The following RCAN2 variants were observed in gnomAD, a reference collection of about 807,000 sequenced individuals.
RCAN2 encodes calcipressin-2.
Under a neutral mutation model 23.6 loss-of-function variants are expected in RCAN2, and 9 were observed. The observed-to-expected ratio is 0.38, with a 90% CI of 0.23 to 0.67. The LOEUF (loss-of-function observed/expected upper bound fraction) is 0.67, where lower values mean the gene tolerates loss of function less well. Ranked by LOEUF, RCAN2 falls within the 30% of genes least tolerant of loss-of-function variation. RCAN2 has a pLI of 0.51. For synonymous variants in RCAN2, 109 were observed against 115.7 expected, an observed-to-expected ratio of 0.94 and a Z score of 0.37; for missense variants, 273 against 302.3, an observed-to-expected ratio of 0.90 and a Z score of 0.72.
At chr6:46,251,032 T>C (rs112056763) in intron 2 of RCAN2, among the ~76,000 whole-genome samples, 140 of 152,352 alleles carry the variant, frequency 9.2e-4, no homozygotes, top group Non-Finnish European at 1.7e-3. Context: ...CCCCAAAGAA[T>C]ACAATAAAAG....
At chr6:46,361,923 A>T (rs182976880) in intron 2 of RCAN2, among the ~76,000 whole-genome samples, 2 of 152,354 alleles carry the variant, frequency 1.3e-5, no homozygotes, top group Admixed American at 6.5e-5. Flanking sequence ...CTTTTCAAAC[A>T]TCTATCATCA....
chr6:46,278,481 T>C (rs1334789129), intron 2 of RCAN2, among the ~76,000 whole-genome samples: 1 of 152,186 alleles, frequency 6.6e-6, no homozygotes, highest in African/African-American at 2.4e-5. Context: ...AAATGTTTTA[T>C]ATATTTACTA....
At chr6:46,437,876 G>A (rs1323550671) in intron 2 of RCAN2, among the ~76,000 whole-genome samples, 2 of 152,136 alleles carry the variant, frequency 1.3e-5, no homozygotes, top group African/African-American at 4.8e-5. Context: ...TGTTGTGAAA[G>A]AACACCCTCT....
intron 2 of RCAN2, among the ~76,000 whole-genome samples, chr6:46,373,981 C>T (rs546172421): frequency 6.6e-6 from 1 of 152,290 alleles, no homozygotes; most frequent in East Asian, 1.9e-4. Flanking sequence ...CCATGTCAAC[C>T]CAGCACTTTG....
At chr6:46,350,091 A>G (rs1247237289) in intron 2 of RCAN2, among the ~76,000 whole-genome samples, 1 of 152,038 alleles carries the variant, frequency 6.6e-6, no homozygotes, top group Non-Finnish European at 1.5e-5. Context: ...TTACTTTTTT[A>G]ATTGGTTTTC....
chr6:46,431,182 T>G (rs527385640), intron 2 of RCAN2, among the ~76,000 whole-genome samples: 1 of 151,778 alleles, frequency 6.6e-6, no homozygotes, highest in African/African-American at 2.4e-5. Flanking sequence ...ATTTAATATA[T>G]CATGGAAGAT....
At chr6:46,318,393 T>A (rs1391563043) in intron 2 of RCAN2, among the ~76,000 whole-genome samples, 2 of 151,826 alleles carry the variant, frequency 1.3e-5, no homozygotes, top group Admixed American at 6.6e-5. Context: ...TTTGAAACAT[T>A]AAAAAAAAGT....
intron 2 of RCAN2, among the ~76,000 whole-genome samples, chr6:46,251,058 T>G (rs1269422747): frequency 6.6e-6 from 1 of 152,242 alleles, no homozygotes; most frequent in African/African-American, 2.4e-5. Flanking sequence ...GCTTTTTTTG[T>G]GACATTTGTG....
chr6:46,481,680 G>C (rs1768863634), intron 1 of RCAN2, among the ~76,000 whole-genome samples: 1 of 152,130 alleles, frequency 6.6e-6, no homozygotes, highest in Admixed American at 6.5e-5. Flanking sequence ...AGCTGAAGAA[G>C]TAATATCTGG....
intron 2 of RCAN2, among the ~76,000 whole-genome samples, chr6:46,433,114 G>A (rs1313664294): frequency 6.6e-6 from 1 of 152,072 alleles, no homozygotes; most frequent in Non-Finnish European, 1.5e-5. Flanking sequence ...TAATAATCAG[G>A]AATATAATAT....
intron 2 of RCAN2, among the ~76,000 whole-genome samples, chr6:46,375,296 G>C (rs1210605155): frequency 6.6e-6 from 1 of 152,094 alleles, no homozygotes; most frequent in Non-Finnish European, 1.5e-5. Context: ...TTCCCAAATG[G>C]TTACTTGCAA....
chr6:46,418,169 T>C (rs1200784243), intron 2 of RCAN2, among the ~76,000 whole-genome samples: 5 of 152,164 alleles, frequency 3.3e-5, no homozygotes, highest in Non-Finnish European at 5.9e-5. Flanking sequence ...TCTTATACTT[T>C]AGGTATCTAA....
intron 4 of RCAN2, among the ~76,000 whole-genome samples, chr6:46,234,019 G>A (rs556832930): frequency 1.1e-4 from 17 of 152,208 alleles, no homozygotes; most frequent in South Asian, 2.1e-4. Context: ...GTGAGCCACC[G>A]TGCCCGGCCT....
At chr6:46,437,235 T>C (rs1451531343) in intron 2 of RCAN2, among the ~76,000 whole-genome samples, 4 of 152,234 alleles carry the variant, frequency 2.6e-5, no homozygotes, top group Non-Finnish European at 5.9e-5. Flanking sequence ...TGCTCAATCC[T>C]TTTTAATGCC....
chr6:46,445,611 C>T (rs542021668), intron 2 of RCAN2, among the ~76,000 whole-genome samples: 1 of 152,268 alleles, frequency 6.6e-6, no homozygotes, highest in South Asian at 2.1e-4. Flanking sequence ...GATTTGTAAG[C>T]TGCCTGACAA....
At chr6:46,442,928 C>G (rs1767595125) in intron 2 of RCAN2, among the ~76,000 whole-genome samples, 1 of 152,144 alleles carries the variant, frequency 6.6e-6, no homozygotes, top group Non-Finnish European at 1.5e-5. Flanking sequence ...TGTCCTACAG[C>G]AGCGTTCAAA....
chr6:46,387,000 G>A (rs1344003077), intron 2 of RCAN2, among the ~76,000 whole-genome samples: 3 of 152,182 alleles, frequency 2.0e-5, no homozygotes, highest in Non-Finnish European at 4.4e-5. Flanking sequence ...AAGAAATGTG[G>A]AAAGGATTCC....
chr6:46,234,400 C>T (rs1486684787), intron 4 of RCAN2, among the ~76,000 whole-genome samples: 1 of 152,190 alleles, frequency 6.6e-6, no homozygotes, highest in Non-Finnish European at 1.5e-5. Context: ...ATTTCCTCTA[C>T]CACAAGGGCT....
At chr6:46,422,523 C>T (rs1414825936) in intron 2 of RCAN2, among the ~76,000 whole-genome samples, 2 of 152,066 alleles carry the variant, frequency 1.3e-5, no homozygotes, top group Admixed American at 6.6e-5. Flanking sequence ...AAAAGGGATG[C>T]TTTTAAAAAC....
Sources: gnomAD v4.1 joint callset for allele counts (sites outside exome capture counted in the v4.1 genomes callset) on GRCh38, gnomAD v4.1.1 for gene constraint, MANE v1.5 for transcripts, NCBI Gene and HGNC (gene_info 2026-07-23, HGNC 2026-07-21) for gene names.